SRGAP3: variants seen among roughly 807,000 people sequenced by gnomAD.
The protein encoded by SRGAP3 is SLIT-ROBO Rho GTPase activating protein 3.
Under a neutral mutation model 121.1 loss-of-function variants are expected in SRGAP3, and 39 were observed. The observed-to-expected ratio is 0.32, with a 90% CI of 0.25 to 0.42. The LOEUF (loss-of-function observed/expected upper bound fraction) is 0.42, where lower values mean the gene tolerates loss of function less well. Ranked by LOEUF, SRGAP3 falls within the 10% of genes least tolerant of loss-of-function variation. SRGAP3 has a pLI of 1.00. For missense variants in SRGAP3, 1,213 were observed against 1,470.6 expected, an observed-to-expected ratio of 0.82 and a Z score of 2.86; for synonymous variants, 601 against 570.0, an observed-to-expected ratio of 1.05 and a Z score of -0.77.
At chr3:9,136,983 T>C (rs1949686518) in intron 1 of SRGAP3, among the ~76,000 whole-genome samples, 1 of 152,180 alleles carries the variant, frequency 6.6e-6, no homozygotes, top group Non-Finnish European at 1.5e-5. Flanking sequence ...ATCTGCAGGA[T>C]GGAGGAAGTA....
intron 1 of SRGAP3, among the ~76,000 whole-genome samples, chr3:9,357,340 ATCATGTAGGTATT>A (rs775782034): frequency 2.4e-4 from 36 of 152,280 alleles, no homozygotes; most frequent in Non-Finnish European, 4.3e-4. Context: ...TGTAAATGAA[ATCATGTAGGTATT>A]TCATGTAGGT....
Position 9,058,275 on chromosome 3 carries a change from C to G in SRGAP3, c.999G>C (p.Glu333Asp). The stretch of plus-strand genomic sequence containing the variant: ...CCTCATCCCCCATGTGGGGCTGGAA[C>G]TCGAACTTGAGTGGAGGGCAGAAGA... Reference protein sequence around the residue: ...NQVFCPPLKFEFQPHMGDEVC... With the variant: ...NQVFCPPLKFDFQPHMGDEVC... The change falls in exon 7 of 22, where the codon GAG becomes GAC. Residue 333 changes from glutamate (E) to aspartate (D), a missense_variant. Coordinates refer to ENST00000383836, the MANE Select transcript of SRGAP3 (RefSeq NM_014850.4). The G allele has an allele frequency of 6.2e-7, 1 of 1,614,254 alleles. No individual in the cohort carries two copies. The highest frequency in any genetic ancestry group is 8.5e-7 in the Non-Finnish European group (1 of 1,180,042).
At chr3:9,357,146 G>A (rs71314341) in intron 1 of SRGAP3, among the ~76,000 whole-genome samples, 12,781 of 152,000 alleles carry the variant, frequency 0.084, 672 homozygotes, top group Admixed American at 0.16. Flanking sequence ...GCCAGAGGCT[G>A]AGGTGGGAGA....
chr3:9,348,326 GA>G (rs1477470421), intron 1 of SRGAP3: 9 of 404,648 alleles, frequency 2.2e-5, no homozygotes, highest in Admixed American at 1.4e-4. Context: ...GACAAAGAGT[GA>G]AAAGAAGAGT....
At chr3:9,031,210 C>T (rs1461695622) in intron 12 of SRGAP3, among the ~76,000 whole-genome samples, 2 of 152,214 alleles carry the variant, frequency 1.3e-5, no homozygotes, top group African/African-American at 4.8e-5. Context: ...AGCTCCACTA[C>T]TGACTCCTTG....
At chr3:9,072,051 A>G (rs1234670086) in intron 4 of SRGAP3, among the ~76,000 whole-genome samples, 1 of 152,116 alleles carries the variant, frequency 6.6e-6, no homozygotes, top group Non-Finnish European at 1.5e-5. Context: ...GTCCCTTGCC[A>G]CTAAACAAAT....
intron 1 of SRGAP3, among the ~76,000 whole-genome samples, chr3:9,345,642 C>T (rs1476695511): frequency 1.3e-5 from 2 of 151,264 alleles, no homozygotes; most frequent in Admixed American, 6.6e-5. Flanking sequence ...AAAAATTAGC[C>T]GGGCATGGTG....
intron 3 of SRGAP3, among the ~76,000 whole-genome samples, chr3:9,263,857 C>G (rs1954301659): frequency 6.6e-6 from 1 of 152,204 alleles, no homozygotes; most frequent in South Asian, 2.1e-4. Flanking sequence ...GGACTCCTCC[C>G]TAACTCATGT....
At chr3:9,286,937 A>G (rs1954786733) in intron 3 of SRGAP3, among the ~76,000 whole-genome samples, 1 of 125,430 alleles carries the variant, frequency 8.0e-6, no homozygotes, top group Non-Finnish European at 1.7e-5. Context: ...GGACATCGTT[A>G]TTATCTTCTA....
chr3:9,233,567 C>T (rs780608515), intron 1 of SRGAP3, among the ~76,000 whole-genome samples: 4 of 152,168 alleles, frequency 2.6e-5, no homozygotes, highest in Non-Finnish European at 5.9e-5. Context: ...AAGCACTGAT[C>T]TTTCTGACCC....
chr3:9,213,199 G>A (rs1345689040), intron 1 of SRGAP3, among the ~76,000 whole-genome samples: 4 of 152,132 alleles, frequency 2.6e-5, no homozygotes, highest in East Asian at 1.9e-4. Context: ...GCTTCTGGAA[G>A]GATGCCCAGT....
At chr3:9,346,329 G>A (rs550687605) in intron 1 of SRGAP3, among the ~76,000 whole-genome samples, 1 of 151,978 alleles carries the variant, frequency 6.6e-6, no homozygotes, top group Non-Finnish European at 1.5e-5. Context: ...ACTGCACCTT[G>A]AACTCCTGGG....
rs1170003674 is a variant in SRGAP3, at chr3:8,990,739, G to C, written c.2659C>G (p.Pro887Ala). The C allele has an allele frequency of 6.2e-7, 1 of 1,611,422 alleles. No homozygotes were observed. Among genetic ancestry groups the C allele is most frequent in the South Asian group, 1.1e-5 (1 of 90,688 alleles). ...RGLGPSIDTP[P>A]RAAACPSSPH... ...CTGCTGGGGCAGGCAGCAGCCCGGG[G>C]TGGTGTGTCTATGCTGGGGCCCAGG... Residue 887 changes from proline to alanine, a missense_variant, in exon 21 of 22, where the codon CCC (proline) becomes GCC (alanine). By Grantham distance (27) the Pro-to-Ala change is conservative. Around this residue, in one of 2 missense-constraint regions of SRGAP3, gnomAD observed 420 missense variants for 437.7 expected, o/e 0.96. Transcript: ENST00000383836.
At chr3:9,332,865 T>G (rs1306240375) in intron 1 of SRGAP3, among the ~76,000 whole-genome samples, 3 of 152,220 alleles carry the variant, frequency 2.0e-5, no homozygotes, top group African/African-American at 7.2e-5. Flanking sequence ...AAGGAGAATA[T>G]GACAATTTGT....
At chr3:9,155,089 G>C (rs1000149576) in intron 1 of SRGAP3, among the ~76,000 whole-genome samples, 2 of 151,624 alleles carry the variant, frequency 1.3e-5, no homozygotes, top group South Asian at 2.1e-4. Context: ...CTTTCAGCAG[G>C]CCTCGGTGTG....
chr3:9,032,214 A>G (rs1236441047), intron 12 of SRGAP3, among the ~76,000 whole-genome samples: 1 of 152,202 alleles, frequency 6.6e-6, no homozygotes, highest in Non-Finnish European at 1.5e-5. Context: ...ATTCACGTGT[A>G]TAAAAACACA....
intron 4 of SRGAP3, among the ~76,000 whole-genome samples, chr3:9,076,280 T>C (rs756350429): frequency 5.3e-5 from 8 of 152,164 alleles, no homozygotes; most frequent in Non-Finnish European, 1.2e-4. Context: ...AACTGATAGC[T>C]GAAACAAAGG....
At chr3:9,295,381 C>T (rs1954934975) in intron 3 of SRGAP3, among the ~76,000 whole-genome samples, 1 of 152,118 alleles carries the variant, frequency 6.6e-6, no homozygotes, top group African/African-American at 2.4e-5. Flanking sequence ...GTTTTTCTTC[C>T]TCTCCTCAAC....
At chr3:9,293,596 G>A (rs1954903545) in intron 3 of SRGAP3, among the ~76,000 whole-genome samples, 1 of 152,032 alleles carries the variant, frequency 6.6e-6, no homozygotes, top group Admixed American at 6.6e-5. Context: ...ATCCGACAAA[G>A]GTTTAATATC....
Sources: gnomAD v4.1 joint callset for allele counts (sites outside exome capture counted in the v4.1 genomes callset) on GRCh38, gnomAD v4.1.1 for gene constraint, gnomAD v4.1.1 regional missense constraint, MANE v1.5 for transcripts, NCBI Gene and HGNC (gene_info 2026-07-23, HGNC 2026-07-21) for gene names.